The following ELOVL5 variants were observed in gnomAD, a reference collection of about 807,000 sequenced individuals.
ELOVL5 encodes ELOVL fatty acid elongase 5.
In ELOVL5, 8 loss-of-function variants were observed where a neutral mutation model predicts 38.6. The observed-to-expected ratio is 0.21, with a 90% CI of 0.12 to 0.37. The LOEUF is 0.37. Ranked by LOEUF, ELOVL5 falls within the 10% of genes least tolerant of loss-of-function variation. The pLI is 1.00. For missense variants in ELOVL5, 280 were observed against 367.8 expected (o/e 0.76, Z 1.95); for synonymous variants, 127 against 133.7 (o/e 0.95, Z 0.34).
At chr6:53,270,771 G>A (rs749958366) in intron 6 of ELOVL5, 44 bp from the exon 7 acceptor site, 25 of 1,606,074 alleles carry the variant, frequency 1.6e-5, no homozygotes, top group Non-Finnish European at 1.9e-5. Context: ...ACAGTGCATG[G>A]ACGAGGCCCC....
chr6:53,343,588 T>C (rs1695735258), intron 1 of ELOVL5, among the ~76,000 whole-genome samples: 1 of 152,078 alleles, frequency 6.6e-6, no homozygotes, highest in Non-Finnish European at 1.5e-5. Flanking sequence ...AAAACAAAAA[T>C]AAAAAATAAA....
At chr6:53,291,291 A>T (rs760822742) in intron 3 of ELOVL5, among the ~76,000 whole-genome samples, 11 of 152,216 alleles carry the variant, frequency 7.2e-5, no homozygotes, top group Non-Finnish European at 1.6e-4. Flanking sequence ...TTAGCTTTTA[A>T]AAAACAACTG....
intron 1 of ELOVL5, among the ~76,000 whole-genome samples, chr6:53,316,963 A>C (rs887131769): frequency 4.6e-5 from 7 of 152,180 alleles, no homozygotes; most frequent in Non-Finnish European, 7.4e-5. Flanking sequence ...AGTTAGTGGA[A>C]ATTCACTGTA....
chr6:53,269,381 T>C, intron 7 of ELOVL5, 111 bp from the exon 8 acceptor site: 3 of 781,406 alleles, frequency 3.8e-6, no homozygotes, highest in Non-Finnish European at 5.6e-6. Context: ...TCAAATCTTA[T>C]CAAGGAGAAA....
intron 3 of ELOVL5, among the ~76,000 whole-genome samples, chr6:53,287,253 A>G (rs1218916093): frequency 1.3e-5 from 2 of 152,226 alleles, no homozygotes; most frequent in African/African-American, 4.8e-5. Context: ...GGAAACATAC[A>G]CAGATACTCA....
At chr6:53,336,497 CA>C (rs2127593346) in intron 1 of ELOVL5, among the ~76,000 whole-genome samples, 1 of 152,180 alleles carries the variant, frequency 6.6e-6, no homozygotes, top group South Asian at 2.1e-4. Flanking sequence ...TTGTCTCTAC[CA>C]AAAATATAAA....
chr6:53,333,072 C>G (rs994006273), intron 1 of ELOVL5, among the ~76,000 whole-genome samples: 5 of 152,206 alleles, frequency 3.3e-5, no homozygotes, highest in African/African-American at 1.2e-4. Context: ...AGTGACACTC[C>G]ACCTCTCCAA....
intron 1 of ELOVL5, among the ~76,000 whole-genome samples, chr6:53,329,025 T>G (rs1461679504): frequency 6.6e-6 from 1 of 152,182 alleles, no homozygotes; most frequent in Non-Finnish European, 1.5e-5. Context: ...AGTTCACATG[T>G]GAAGGTGACA....
In ELOVL5 at chr6:53,346,481, A is replaced by C. The variant is rs146221371; in HGVS notation, c.-9+2336T>G. On this transcript the variant is annotated intron_variant, in intron 1 of 7. Coordinates refer to ENST00000304434, the MANE Select transcript of ELOVL5 (RefSeq NM_021814.5). ...GTGTGGAAAGCAACCGTTTATGTAC[A>C]TGTGCGTATTAATAAGTACCTGACA... Among the ~76,000 whole-genome samples, 600 of 152,308 alleles carry C rather than the reference A, an allele frequency of 3.9e-3. 2 individuals carry two copies. The highest frequency in any genetic ancestry group is 0.013 in the African/African-American group (531 of 41,548).
At chr6:53,341,538 A>G (rs1437393568) in intron 1 of ELOVL5, among the ~76,000 whole-genome samples, 1 of 152,176 alleles carries the variant, frequency 6.6e-6, no homozygotes, top group East Asian at 1.9e-4. Context: ...CATCTGTAAA[A>G]TTGGGGTCCC....
intron 1 of ELOVL5, among the ~76,000 whole-genome samples, chr6:53,348,433 G>A (rs1032369167): frequency 6.6e-6 from 1 of 152,110 alleles, no homozygotes; most frequent in Admixed American, 6.5e-5. Flanking sequence ...GGCCCGCAGG[G>A]CGGGAGGACC....
At position 53,276,275 on chromosome 6, in the gene ELOVL5, C is replaced by T; in HGVS notation, c.247-19G>A. ...TTACTAACTAAAAAAGAAGAAAGAG[C>T]CAGTCACCAACAGCATCTGAGCCAT... On this transcript the variant is annotated intron_variant, in intron 3 of 7. Coordinates refer to ENST00000304434, the MANE Select transcript of ELOVL5 (RefSeq NM_021814.5). The T allele has an allele frequency of 6.5e-7, 1 of 1,534,000 alleles. No individual in the cohort carries two copies. Among genetic ancestry groups the T allele is most frequent in the Non-Finnish European group, 9.0e-7 (1 of 1,107,640 alleles).
At chr6:53,345,954 T>C (rs1277878609) in intron 1 of ELOVL5, among the ~76,000 whole-genome samples, 1 of 152,226 alleles carries the variant, frequency 6.6e-6, no homozygotes, top group Non-Finnish European at 1.5e-5. Context: ...GCATGTTTGT[T>C]ACATAGGTAT....
intron 2 of ELOVL5, among the ~76,000 whole-genome samples, chr6:53,292,982 G>A (rs1349660421): frequency 6.6e-6 from 1 of 152,144 alleles, no homozygotes; most frequent in Non-Finnish European, 1.5e-5. Flanking sequence ...GCAGGGAGGA[G>A]GGAGAGGGAA....
intron 3 of ELOVL5, among the ~76,000 whole-genome samples, chr6:53,291,460 T>C (rs1313744539): frequency 1.2e-4 from 18 of 152,256 alleles, no homozygotes. Context: ...TCACATTTTG[T>C]TCATTTTCCA....
chr6:53,290,405 C>G (rs993894118), intron 3 of ELOVL5: 1 of 152,158 alleles, frequency 6.6e-6, no homozygotes, highest in Non-Finnish European at 1.5e-5. Context: ...AGAAACCTGA[C>G]AGCTTGCTGT....
chr6:53,286,272 A>G (rs575842306), intron 3 of ELOVL5, among the ~76,000 whole-genome samples: 1 of 152,248 alleles, frequency 6.6e-6, no homozygotes, highest in Non-Finnish European at 1.5e-5. Flanking sequence ...ACTTGCATAA[A>G]CCCACATAGC....
intron 3 of ELOVL5, among the ~76,000 whole-genome samples, chr6:53,283,086 A>G (rs918396484): frequency 2.6e-5 from 4 of 152,088 alleles, no homozygotes; most frequent in Non-Finnish European, 5.9e-5. Context: ...AATTCAAAGG[A>G]AAAAAAACTG....
At chr6:53,271,703 T>TCTACC (rs1340002008) in intron 6 of ELOVL5, among the ~76,000 whole-genome samples, 8 of 152,210 alleles carry the variant, frequency 5.3e-5, no homozygotes, top group Non-Finnish European at 1.2e-4. Flanking sequence ...AAGAGATCCT[T>TCTACC]CTACCTCAGC....
Sources: allele counts gnomAD v4.1 joint callset (sites outside exome capture counted in the v4.1 genomes callset), GRCh38; gene constraint gnomAD v4.1.1; transcripts MANE v1.5; gene names NCBI Gene and HGNC (gene_info 2026-07-23, HGNC 2026-07-21).